HELQ: variants seen among roughly 807,000 people sequenced by gnomAD.
The protein encoded by HELQ is helicase POLQ-like.
HELQ carries 77 observed loss-of-function variants against 111.6 expected under a neutral mutation model. The observed-to-expected ratio is 0.69, with a 90% CI of 0.57 to 0.83. HELQ has a LOEUF of 0.83. Among genes scored for constraint, HELQ ranks in the 40% least tolerant of loss-of-function variants. The pLI is 0.00. For synonymous variants in HELQ, 438 were observed against 454.7 expected (o/e 0.96, Z 0.47); for missense variants, 1,200 against 1,288.5 (o/e 0.93, Z 1.05).
chr4:83,436,773 A>G, intron 9 of HELQ, 85 bp downstream of exon 9: 1 of 1,389,720 alleles, frequency 7.2e-7, no homozygotes, highest in South Asian at 1.4e-5. Context: ...CTCATCCACT[A>G]CTGAGAAAGC....
At position 83,450,719 on chromosome 4, in the gene HELQ, C is replaced by A. The variant is rs72931470; in HGVS notation, c.1013-1758G>T. On this transcript the variant is annotated intron_variant, in intron 2 of 17. Coordinates refer to ENST00000295488, the MANE Select transcript of HELQ (RefSeq NM_133636.5). ...AATGGCTCATATCTGTAATTCCAAC[C>A]CTTTGGGAGGCTGAGACAGCAGGAC... is the stretch of plus-strand genomic sequence containing the variant. 7.7e-3 allele frequency among the ~76,000 whole-genome samples: 1,171 copies of A among 151,682 alleles called. 13 individuals are homozygous for A. Among genetic ancestry groups the A allele is most frequent in the African/African-American group, 0.027 (1,101 of 41,396 alleles).
chr4:83,451,565 C>G (rs1273938785), intron 2 of HELQ, among the ~76,000 whole-genome samples: 1 of 151,844 alleles, frequency 6.6e-6, no homozygotes, highest in Non-Finnish European at 1.5e-5. Flanking sequence ...ACTGGGGAGT[C>G]TGATGCAGGA....
At chr4:83,416,323 C>A (rs915487028) in intron 17 of HELQ, among the ~76,000 whole-genome samples, 1 of 151,866 alleles carries the variant, frequency 6.6e-6, no homozygotes, top group Non-Finnish European at 1.5e-5. Context: ...TGGGCTCAAG[C>A]GATCCTCTTG....
chr4:83,427,656 A>C lies in HELQ; in HGVS notation c.2583T>G (p.Leu861=), dbSNP rs755659492. Residue 861 remains leucine (L), a synonymous_variant, in exon 13 of 18, where the codon CTT becomes CTG. Coordinates refer to ENST00000295488, the MANE Select transcript of HELQ (RefSeq NM_133636.5). ...TTAGATGAAGAAGGCTTTCAAGCACAAGTCCTTCAAGACCTTTCTTCAAGT... is the reference window on the plus strand; with the variant it reads ...TTAGATGAAGAAGGCTTTCAAGCACCAGTCCTTCAAGACCTTTCTTCAAGT... ...YRDLKKGLEG[L]VLESLLHLIY... is the part of the protein sequence containing the mutation. The C allele has an allele frequency of 1.2e-5, 19 of 1,606,806 alleles. No individual in the cohort carries two copies. Among genetic ancestry groups the C allele is most frequent in the Non-Finnish European group, 1.6e-5 (19 of 1,176,836 alleles).
rs138627893 is a variant in HELQ, at chr4:83,440,387, C to T, written c.1663-379G>A. ...ACAGATTGATCCTAATAATAGTTAA[C>T]GGACTGTGTAAATAAGACATGCCCT... On this transcript the variant is annotated intron_variant, in intron 7 of 17. Coordinates refer to ENST00000295488, the MANE Select transcript of HELQ (RefSeq NM_133636.5). 2.6e-3 allele frequency among the ~76,000 whole-genome samples: 396 copies of T among 152,092 alleles called. 1 individual carries two copies. The highest frequency in any genetic ancestry group is 9.1e-3 in the African/African-American group (376 of 41,496).
chr4:83,422,550 A>T (rs1023096222), intron 14 of HELQ, among the ~76,000 whole-genome samples: 3 of 152,200 alleles, frequency 2.0e-5, no homozygotes, highest in African/African-American at 7.2e-5. Context: ...GATTGGAGGG[A>T]TGCATCTATA....
intron 11 of HELQ, 143 bp from the exon 12 acceptor site, chr4:83,429,889 TAA>T: frequency 1.9e-6 from 1 of 533,554 alleles, no homozygotes; most frequent in Non-Finnish European, 3.2e-6. Context: ...GTTGCATATA[TAA>T]ATTTATAATG....
In HELQ at chr4:83,429,630, T is replaced by A. The variant is rs1460904198; in HGVS notation, c.2412A>T (p.Arg804Ser). ...GTAGGAGTCCTTTTTCTGTCAGGTATCTAAGTGATTCAACAGTTATTTCCC... is the reference window on the plus strand; with the variant it reads ...GTAGGAGTCCTTTTTCTGTCAGGTAACTAAGTGATTCAACAGTTATTTCCC... Reference protein sequence around the residue: ...SLWEITVESLRYLTEKGLLQK... With the variant: ...SLWEITVESLSYLTEKGLLQK... Residue 804 changes from arginine (R) to serine (S), a missense_variant, in exon 12 of 18, where the codon AGA (arginine) becomes AGT (serine). Physicochemically the swap from Arg to Ser is moderately radical, Grantham distance 110. Coordinates refer to ENST00000295488, the MANE Select transcript of HELQ (RefSeq NM_133636.5). 2.5e-6 allele frequency: 4 copies of A among 1,612,592 alleles called. No homozygotes were observed. In the South Asian group the frequency reaches 4.4e-5, roughly 18 times the overall value.
At chr4:83,440,475 G>T (rs1378789852) in intron 7 of HELQ, among the ~76,000 whole-genome samples, 1 of 152,108 alleles carries the variant, frequency 6.6e-6, no homozygotes, top group African/African-American at 2.4e-5. Context: ...GACAATTTTT[G>T]TAGTCACATG....
At chr4:83,450,371 A>G (rs1429653226) in intron 2 of HELQ, among the ~76,000 whole-genome samples, 2 of 151,704 alleles carry the variant, frequency 1.3e-5, no homozygotes, top group African/African-American at 4.8e-5. Context: ...TATTAAAAAA[A>G]AAAAAGAAAG....
intron 8 of HELQ, among the ~76,000 whole-genome samples, chr4:83,439,137 A>G (rs1451442306): frequency 6.6e-6 from 1 of 151,688 alleles, no homozygotes; most frequent in Non-Finnish European, 1.5e-5. Flanking sequence ...GTGTGGTCTC[A>G]GCTCACTGCA....
At chr4:83,426,743 T>TTTAGAAGAGA (rs1357917756) in intron 13 of HELQ, among the ~76,000 whole-genome samples, 3 of 152,120 alleles carry the variant, frequency 2.0e-5, no homozygotes, top group Non-Finnish European at 4.4e-5. Context: ...TCTGTATTCT[T>TTTAGAAGAGA]TTAGAAGAGA....
At chr4:83,418,024 A>G (rs1739454268) in intron 16 of HELQ, 69 bp downstream of exon 16, 1 of 817,570 alleles carries the variant, frequency 1.2e-6, no homozygotes, top group Non-Finnish European at 2.0e-6. Context: ...AAGACTTCAG[A>G]AAATAATAAA....
chr4:83,436,492 G>A (rs1426912685), intron 9 of HELQ, among the ~76,000 whole-genome samples: 1 of 152,054 alleles, frequency 6.6e-6, no homozygotes, highest in East Asian at 1.9e-4. Flanking sequence ...CTATGGATCA[G>A]CTCTCCAAGA....
At chr4:83,410,533 A>T (rs1366841379) in intron 17 of HELQ, among the ~76,000 whole-genome samples, 1 of 152,200 alleles carries the variant, frequency 6.6e-6, no homozygotes, top group African/African-American at 2.4e-5. Flanking sequence ...ATATATTAAT[A>T]AACACAGGGA....
In HELQ at chr4:83,436,852, T is replaced by C; in HGVS notation, c.2048+6A>G. The C allele has an allele frequency of 6.2e-7, 1 of 1,611,052 alleles. No individual in the cohort carries two copies. The highest frequency in any genetic ancestry group is 8.5e-7 in the Non-Finnish European group (1 of 1,178,546). ...TGAGCCTGGTCAACACTTACTTATC[T>C]CTTACCTTCGAGCTGGTAGGTTGAC... is the stretch of plus-strand genomic sequence containing the variant. On this transcript the variant is annotated splice_donor_region_variant and intron_variant, in intron 9 of 17. Transcript: ENST00000295488.
At chr4:83,412,212 C>G (rs1739140822) in intron 17 of HELQ, among the ~76,000 whole-genome samples, 1 of 152,192 alleles carries the variant, frequency 6.6e-6, no homozygotes, top group South Asian at 2.1e-4. Context: ...TATCCTATTT[C>G]TAGTTTCACT....
rs749187817 is a variant in HELQ at position 83,455,623 on chromosome 4, C to A, written c.71G>T (p.Cys24Phe). 1.9e-6 allele frequency: 3 copies of A among 1,613,788 alleles called. No homozygotes were observed. The highest frequency in any genetic ancestry group is 2.2e-5 in the East Asian group (1 of 44,862). The change falls in exon 1 of 18, where the codon TGT becomes TTT. Residue 24 changes from cysteine (C) to phenylalanine (F), a missense_variant. Coordinates refer to ENST00000295488, the MANE Select transcript of HELQ (RefSeq NM_133636.5). The stretch of plus-strand genomic sequence containing the variant: ...GGCCGCGGTGGGAGCGCCAAAAATA[C>A]ACCCCAAGCTTGGACGGTTCCTTTT... ...LPKRNRPSLG[C>F]IFGAPTAAEL...
intron 2 of HELQ, among the ~76,000 whole-genome samples, chr4:83,451,560 G>A (rs1243485962): frequency 4.6e-5 from 7 of 152,140 alleles, no homozygotes; most frequent in East Asian, 3.8e-4. Context: ...CAGCTACTGG[G>A]GAGTCTGATG....
Sources: allele counts gnomAD v4.1 joint callset (sites outside exome capture counted in the v4.1 genomes callset), GRCh38; gene constraint gnomAD v4.1.1; transcripts MANE v1.5; gene names NCBI Gene and HGNC (gene_info 2026-07-23, HGNC 2026-07-21).